Variants in CNTNAP5 observed in about 807,000 individuals in gnomAD.
CNTNAP5 encodes contactin-associated protein-like 5.
Under a neutral mutation model 150.2 loss-of-function variants are expected in CNTNAP5, and 72 were observed. The observed-to-expected ratio is 0.48, with a 90% confidence interval of 0.40 to 0.58. The LOEUF (loss-of-function observed/expected upper bound fraction) is 0.58, where lower values mean the gene tolerates loss of function less well. CNTNAP5 is among the 20% of genes least tolerant of loss of function. The probability of loss-of-function intolerance (pLI) is 0.00; values close to 1 mark genes in which losing one functional copy is unlikely to be tolerated. For missense variants in CNTNAP5, 1,636 were observed against 1,626.2 expected (o/e 1.01, Z -0.10); for synonymous variants, 672 against 619.8 (o/e 1.08, Z -1.25).
At chr2:124,114,014 T>G (rs1283904253) in intron 1 of CNTNAP5, among the ~76,000 whole-genome samples, 1 of 152,012 alleles carries the variant, frequency 6.6e-6, no homozygotes, top group South Asian at 2.1e-4. Flanking sequence ...CATGTCCTAA[T>G]TACTGTAGTT....
chr2:124,227,773 T>TG (rs752197290), intron 2 of CNTNAP5, among the ~76,000 whole-genome samples: 23 of 149,404 alleles, frequency 1.5e-4, no homozygotes, highest in Non-Finnish European at 4.4e-5. Context: ...TTGGTGAGGG[T>TG]GGGGGGAGGC....
chr2:124,810,081 G>A (rs1682175401), intron 19 of CNTNAP5, among the ~76,000 whole-genome samples: 1 of 152,190 alleles, frequency 6.6e-6, no homozygotes, highest in South Asian at 2.1e-4. Context: ...TATCAGTCAT[G>A]TGTAATGTCG....
chr2:124,916,263 T>C lies in CNTNAP5; in HGVS notation c.*1975T>C, dbSNP rs1222063057. On this transcript the variant is annotated 3_prime_UTR_variant, in exon 24 of 24. Transcript: ENST00000682447. ...TATTTTAAAGTGATTTTAACCATGATATCATTTCTCTCCTTTTAGTTTTAA... is the reference window on the plus strand; with the variant it reads ...TATTTTAAAGTGATTTTAACCATGACATCATTTCTCTCCTTTTAGTTTTAA... Among the ~76,000 whole-genome samples, 1 of 152,166 alleles carries C rather than the reference T, an allele frequency of 6.6e-6. No homozygotes were observed. Among genetic ancestry groups the C allele is most frequent in the Non-Finnish European group, 1.5e-5 (1 of 68,014 alleles).
chr2:124,056,914 A>G (rs921647695), intron 1 of CNTNAP5, among the ~76,000 whole-genome samples: 1 of 152,098 alleles, frequency 6.6e-6, no homozygotes, highest in African/African-American at 2.4e-5. Flanking sequence ...CATTCTCAGC[A>G]TTTTCTCCAA....
chr2:124,867,599 T>C (rs978332761), intron 20 of CNTNAP5, among the ~76,000 whole-genome samples: 6 of 152,200 alleles, frequency 3.9e-5, no homozygotes, highest in Non-Finnish European at 5.9e-5. Flanking sequence ...CTTCTGCCTG[T>C]GTTAGTTGCT....
intron 10 of CNTNAP5, among the ~76,000 whole-genome samples, chr2:124,534,032 C>A (rs931610724): frequency 5.3e-5 from 8 of 152,090 alleles, no homozygotes; most frequent in African/African-American, 1.9e-4. Flanking sequence ...TTTGCAGCAA[C>A]ATGAATGGTA....
chr2:124,317,069 T>C (rs1199047136), intron 3 of CNTNAP5, among the ~76,000 whole-genome samples: 1 of 152,120 alleles, frequency 6.6e-6, no homozygotes, highest in East Asian at 1.9e-4. Flanking sequence ...ATCTGCTTAG[T>C]CTGGGCAGCA....
At chr2:124,494,041 C>T (rs1694093040) in intron 7 of CNTNAP5, among the ~76,000 whole-genome samples, 1 of 134,068 alleles carries the variant, frequency 7.5e-6, no homozygotes, top group East Asian at 2.3e-4. Context: ...TAAGGGTTCC[C>T]TAGAGAGAAT....
At chr2:124,154,332 C>T (rs559149228) in intron 1 of CNTNAP5, among the ~76,000 whole-genome samples, 15 of 152,096 alleles carry the variant, frequency 9.9e-5, no homozygotes, top group Admixed American at 9.2e-4. Context: ...ATAAACGGAA[C>T]AGTAGTAGGT....
At chr2:124,180,481 G>A (rs1048694639) in intron 1 of CNTNAP5, among the ~76,000 whole-genome samples, 2 of 151,958 alleles carry the variant, frequency 1.3e-5, no homozygotes, top group Non-Finnish European at 2.9e-5. Context: ...TTTCCTGTTT[G>A]CAATCTGAAT....
chr2:124,339,333 A>C (rs1689552573), intron 3 of CNTNAP5, among the ~76,000 whole-genome samples: 1 of 152,166 alleles, frequency 6.6e-6, no homozygotes, highest in Admixed American at 6.6e-5. Flanking sequence ...TCTCCAGTGC[A>C]CTTGGCATAA....
At chr2:124,686,055 C>A (rs1017443087) in intron 13 of CNTNAP5, among the ~76,000 whole-genome samples, 1 of 152,054 alleles carries the variant, frequency 6.6e-6, no homozygotes, top group Non-Finnish European at 1.5e-5. Flanking sequence ...CCATCTAATT[C>A]CAGAATTTCT....
At chr2:124,651,202 C>T (rs977938644) in intron 13 of CNTNAP5, among the ~76,000 whole-genome samples, 5 of 152,172 alleles carry the variant, frequency 3.3e-5, no homozygotes, top group Admixed American at 3.3e-4. Flanking sequence ...CCATAGCCTA[C>T]TGGCTATTGC....
At chr2:124,059,354 C>A (rs550236358) in intron 1 of CNTNAP5, among the ~76,000 whole-genome samples, 459 of 152,258 alleles carry the variant, frequency 3.0e-3, no homozygotes, top group Non-Finnish European at 5.6e-3. Flanking sequence ...TAAATAAGGT[C>A]TCCCTCTAAT....
At chr2:124,574,255 A>G (rs993850724) in intron 11 of CNTNAP5, among the ~76,000 whole-genome samples, 2 of 152,180 alleles carry the variant, frequency 1.3e-5, no homozygotes, top group African/African-American at 4.8e-5. Flanking sequence ...GACCTTAGGC[A>G]AGTCACTTAC....
rs370359336 is a variant in CNTNAP5 at position 124,509,205 on chromosome 2, T to G, written c.1327+4649T>G. 1.2e-4 allele frequency among the ~76,000 whole-genome samples: 19 copies of G among 152,322 alleles called. No homozygotes were observed. The South Asian group carries it at 3.9e-3, about 32-fold the overall frequency. On this transcript the variant is annotated intron_variant, in intron 8 of 23. Transcript: ENST00000682447. ...GGCTTTTTAGGAAGGAAGTAGTTCTTATTTAGGGATTTTTGCATTGAAGAT... is the reference window on the plus strand; with the variant it reads ...GGCTTTTTAGGAAGGAAGTAGTTCTGATTTAGGGATTTTTGCATTGAAGAT...
intron 8 of CNTNAP5, among the ~76,000 whole-genome samples, chr2:124,522,077 A>G (rs752197974): frequency 3.3e-5 from 5 of 152,148 alleles, no homozygotes; most frequent in African/African-American, 4.8e-5. Context: ...CTCTGAGCAG[A>G]TGGGTCACAG....
At chr2:124,457,824 A>G (rs1693156135) in intron 6 of CNTNAP5, among the ~76,000 whole-genome samples, 1 of 152,170 alleles carries the variant, frequency 6.6e-6, no homozygotes, top group Non-Finnish European at 1.5e-5. Context: ...GCTCAATATC[A>G]CTAATGATCA....
chr2:124,075,778 G>T (rs1682422377), intron 1 of CNTNAP5, among the ~76,000 whole-genome samples: 2 of 152,170 alleles, frequency 1.3e-5, no homozygotes, highest in Admixed American at 1.3e-4. Flanking sequence ...AAGAAGTGAT[G>T]TGACTGGCCA....
Sources: allele counts gnomAD v4.1 joint callset (sites outside exome capture counted in the v4.1 genomes callset), GRCh38; gene constraint gnomAD v4.1.1; transcripts MANE v1.5; gene names NCBI Gene and HGNC (gene_info 2026-07-23, HGNC 2026-07-21).